Variants in UHMK1 observed in about 807,000 individuals in gnomAD.
The protein encoded by UHMK1 is serine/threonine-protein kinase Kist.
A neutral mutation model predicts 44.0 loss-of-function variants in UHMK1; 18 were observed. The ratio of observed to expected loss-of-function variants is 0.41; its 90% CI spans 0.28 to 0.61. The LOEUF is 0.61. UHMK1 is among the 20% of genes least tolerant of loss of function. UHMK1 has a pLI of 0.31. For missense variants in UHMK1, 463 were observed against 522.5 expected, an observed-to-expected ratio of 0.89 and a Z score of 1.11; for synonymous variants, 231 against 198.5, an observed-to-expected ratio of 1.16 and a Z score of -1.38.
rs1652149063 is a variant in UHMK1 at position 162,523,913 on chromosome 1, A to C, written c.*1363A>C. 6.6e-6 allele frequency: 1 copy of C among 152,300 alleles called. No individual in the cohort carries two copies. Among genetic ancestry groups the C allele is most frequent in the South Asian group, 2.1e-4 (1 of 4,828 alleles). 9.4% of individuals were successfully genotyped at this position (152,300 alleles called of 1,614,324 possible). The stretch of plus-strand genomic sequence containing the variant: ...AGCAACATAATGTGTCCCTGAGTAG[A>C]GGATGCTGCTATGCGTGAGTTCATG... On this transcript the variant is annotated 3_prime_UTR_variant, in exon 8 of 8. Coordinates refer to ENST00000489294, the MANE Select transcript of UHMK1 (RefSeq NM_175866.5).
chr1:162,500,535 A>G, intron 2 of UHMK1: 1 of 420,076 alleles, frequency 2.4e-6, no homozygotes, highest in East Asian at 4.4e-5. Context: ...GTGTTTGGCT[A>G]ATTGCTGAGT....
chr1:162,511,961 T>G (rs1231515534), intron 4 of UHMK1, among the ~76,000 whole-genome samples: 2 of 152,134 alleles, frequency 1.3e-5, no homozygotes, highest in African/African-American at 4.8e-5. Context: ...TGTTTTCATA[T>G]CAATACCATG....
rs571923704 is a variant in UHMK1 at position 162,522,317 on chromosome 1, T to G, written c.1114-87T>G. The G allele has an allele frequency of 4.3e-5, 61 of 1,421,474 alleles. No individual in the cohort carries two copies. In the South Asian group the frequency reaches 7.6e-4, roughly 18 times the overall value. 88.1% of individuals were successfully genotyped at this position (1,421,474 alleles called of 1,614,324 possible). ...ATCTGCATTTTAATAACATCTCCAG[T>G]TGATGTATATATATTAAAGGTGGTA... On this transcript the variant is annotated intron_variant, in intron 7 of 7. Transcript: ENST00000489294.
intron 1 of UHMK1, among the ~76,000 whole-genome samples, chr1:162,498,742 T>G (rs780531424): frequency 1.3e-5 from 2 of 152,176 alleles, no homozygotes; most frequent in Non-Finnish European, 2.9e-5. Context: ...ATGGGAGCCT[T>G]TATAGAAGTG....
At chr1:162,499,277 C>T (rs1651182780) in intron 1 of UHMK1, among the ~76,000 whole-genome samples, 1 of 152,214 alleles carries the variant, frequency 6.6e-6, no homozygotes, top group Admixed American at 6.5e-5. Context: ...CTCCTAAAGC[C>T]ATGCTCCTAC....
At chr1:162,503,888 A>C (rs755198574) in intron 4 of UHMK1, 40 bp downstream of exon 4, 1 of 1,497,190 alleles carries the variant, frequency 6.7e-7, no homozygotes, top group Non-Finnish European at 9.3e-7. Flanking sequence ...GCATTCATGT[A>C]CTATGTGAAA....
At chr1:162,512,654 A>G (rs1241710934) in intron 5 of UHMK1, 71 bp from the exon 6 acceptor site, 3 of 1,602,112 alleles carry the variant, frequency 1.9e-6, no homozygotes, top group African/African-American at 1.3e-5. Flanking sequence ...TATATTCACA[A>G]GTTCCTTTAT....
At chr1:162,498,414 C>G in intron 1 of UHMK1, 146 bp downstream of exon 1, 2 of 1,030,598 alleles carry the variant, frequency 1.9e-6, no homozygotes, top group Non-Finnish European at 2.7e-6. Context: ...GCCCCTTTCC[C>G]CTTTCACTTT....
At chr1:162,497,771 C>T (rs970438687), upstream of UHMK1, 8 of 1,310,080 alleles carry the variant, frequency 6.1e-6, no homozygotes, top group East Asian at 6.2e-5. Context: ...TCTGAGCCCC[C>T]CCTCCTTCGG....
chr1:162,526,687 G>A lies in UHMK1; in HGVS notation c.*4137G>A, dbSNP rs1652262695. 1.3e-5 allele frequency: 2 copies of A among 151,996 alleles called. No homozygotes were observed. The highest frequency in any genetic ancestry group is 4.1e-4 in the South Asian group (2 of 4,826). The allele number at this position is 151,996 out of a possible 1,614,324, so 9.4% of individuals were successfully genotyped here. A position where few individuals can be genotyped will look rare whatever the true frequency, so the allele number is the denominator to read the frequency against. ...TTTATTTTTCATATATATATTCACT[G>A]TCTGCCTGGAAATAGCCTTGGTTTA... On this transcript the variant is annotated 3_prime_UTR_variant, in exon 8 of 8. Transcript: ENST00000489294.
At chr1:162,513,238 C>A in intron 6 of UHMK1, 1 of 168,352 alleles carries the variant, frequency 5.9e-6, no homozygotes, top group Non-Finnish European at 1.3e-5. Flanking sequence ...CTGTGCCCAG[C>A]CCTCTCACTT....
intron 6 of UHMK1, 131 bp from the exon 7 acceptor site, chr1:162,517,971 A>G (rs926365711): frequency 1.7e-6 from 1 of 595,460 alleles, no homozygotes; most frequent in Non-Finnish European, 3.0e-6. Flanking sequence ...TTGAATGTCA[A>G]CTATTCAAGA....
chr1:162,500,864 A>G (rs1487800762), intron 2 of UHMK1, 49 bp from the exon 3 acceptor site: 1 of 1,558,614 alleles, frequency 6.4e-7, no homozygotes, highest in African/African-American at 1.4e-5. Context: ...AGATGGATAG[A>G]AAGGGAGCAG....
At chr1:162,506,223 G>GCC (rs3035616) in intron 4 of UHMK1, among the ~76,000 whole-genome samples, 35 of 121,600 alleles carry the variant, frequency 2.9e-4, no homozygotes, top group African/African-American at 3.7e-4. Context: ...TTAAATAATA[G>GCC]CCCCCCCCCC....
intron 1 of UHMK1, among the ~76,000 whole-genome samples, 185 bp from the exon 2 acceptor site, chr1:162,499,770 C>G (rs1460739288): frequency 6.6e-6 from 1 of 152,066 alleles, no homozygotes; most frequent in Non-Finnish European, 1.5e-5. Context: ...GCTGTCTCAT[C>G]TTATTTTTAT....
At chr1:162,509,884 G>C (rs1022085923) in intron 4 of UHMK1, among the ~76,000 whole-genome samples, 33 of 151,808 alleles carry the variant, frequency 2.2e-4, no homozygotes, top group Non-Finnish European at 4.0e-4. Context: ...ACCTGAAGTG[G>C]TCCACCCACC....
At chr1:162,499,822 A>G (rs2101667952) in intron 1 of UHMK1, 133 bp from the exon 2 acceptor site, 1 of 812,278 alleles carries the variant, frequency 1.2e-6, no homozygotes, top group East Asian at 2.7e-5. Flanking sequence ...CATGGGAAAA[A>G]TAAATTACAG....
chr1:162,512,541 T>A lies in UHMK1; in HGVS notation c.890T>A (p.Met297Lys). The change falls in exon 5 of 8, where the codon ATG becomes AAG. Residue 297 changes from methionine to lysine, a missense_variant. Physicochemically the swap from Met to Lys is moderately conservative, Grantham distance 95. This residue lies in a region of UHMK1 where 264 missense variants were observed against 326.3 expected (regional missense o/e 0.81). Transcript: ENST00000489294. ...CCAAGCAGAAGAATTCCTGCTGAAATGGCATTGTGCAGCCCATTCTTTAGC... is the reference window on the plus strand; with the variant it reads ...CCAAGCAGAAGAATTCCTGCTGAAAAGGCATTGTGCAGCCCATTCTTTAGC... ...DDPSRRIPAE[M>K]ALCSPFFSIP... is the part of the protein sequence containing the mutation. The A allele has an allele frequency of 6.2e-7, 1 of 1,612,988 alleles. No homozygotes were observed. The highest frequency in any genetic ancestry group is 2.2e-5 in the East Asian group (1 of 44,854).
At position 162,498,083 on chromosome 1, in the gene UHMK1, G is replaced by A. The variant is rs781735571; in HGVS notation, c.83G>A (p.Arg28His). ...GGGCGGCTGTGGCAGGTACAGAGCC[G>A]TCTGGGTAGCGGCTCCTCCGCCTCG... is the stretch of plus-strand genomic sequence containing the variant. The part of the protein sequence containing the change: ...AFGRLWQVQS[R>H]LGSGSSASVY... The change falls in exon 1 of 8, where the codon CGT (arginine) becomes CAT (histidine). Residue 28 changes from arginine to histidine, a missense_variant. Coordinates refer to ENST00000489294, the MANE Select transcript of UHMK1 (RefSeq NM_175866.5). 4 of 1,611,862 alleles carry A rather than the reference G, an allele frequency of 2.5e-6. No individual in the cohort carries two copies. Among genetic ancestry groups the A allele is most frequent in the South Asian group, 1.1e-5 (1 of 91,012 alleles).
Sources: allele counts gnomAD v4.1 joint callset (sites outside exome capture counted in the v4.1 genomes callset), GRCh38; gene constraint gnomAD v4.1.1; regional missense constraint gnomAD v4.1.1; transcripts MANE v1.5; gene names NCBI Gene and HGNC (gene_info 2026-07-23, HGNC 2026-07-21).